KAT6A: variants seen among roughly 807,000 people sequenced by gnomAD.
KAT6A encodes the protein histone acetyltransferase KAT6A.
KAT6A carries 9 observed loss-of-function variants against 198.4 expected under a neutral mutation model. That is an observed-to-expected ratio of 0.05 (90% confidence interval 0.03 to 0.08). The LOEUF is 0.08. Ranked by LOEUF, KAT6A falls within the 10% of genes least tolerant of loss-of-function variation. KAT6A has a pLI of 1.00. For synonymous variants in KAT6A, 890 were observed against 883.0 expected, an observed-to-expected ratio of 1.01 and a Z score of -0.14; for missense variants, 2,077 against 2,509.9, an observed-to-expected ratio of 0.83 and a Z score of 3.69.
chr8:42,042,771 C>A (rs986711304), intron 2 of KAT6A, among the ~76,000 whole-genome samples: 4 of 152,206 alleles, frequency 2.6e-5, no homozygotes, highest in Non-Finnish European at 5.9e-5. Flanking sequence ...CACCAAATAA[C>A]AATACTTTTA....
In KAT6A at chr8:41,932,148, T is replaced by A; in HGVS notation, c.*57A>T. 7.1e-7 allele frequency: 1 copy of A among 1,401,788 alleles called. No homozygotes were observed. Among genetic ancestry groups the A allele is most frequent in the East Asian group, 2.5e-5 (1 of 40,070 alleles). 86.8% of individuals were successfully genotyped at this position (1,401,788 alleles called of 1,614,324 possible). ...GGTCCATTTTTCTCTGGTTTGTCAG[T>A]ATAAAAGGTTCCTTTATTTATATAT... On this transcript the variant is annotated 3_prime_UTR_variant, in exon 17 of 17. Coordinates refer to ENST00000265713, the MANE Select transcript of KAT6A (RefSeq NM_006766.5).
chr8:41,959,286 C>G (rs1317739733), intron 8 of KAT6A, among the ~76,000 whole-genome samples: 1 of 151,830 alleles, frequency 6.6e-6, no homozygotes, highest in African/African-American at 2.4e-5. Flanking sequence ...TAAATCAAAC[C>G]ACAATCAGAT....
At chr8:41,942,328 G>A in intron 14 of KAT6A, 1 of 231,766 alleles carries the variant, frequency 4.3e-6, no homozygotes, top group East Asian at 6.3e-5. Flanking sequence ...GGTTTTTTTT[G>A]TAGAGATGGG....
At chr8:41,994,259 G>C (rs1265498493) in intron 2 of KAT6A, among the ~76,000 whole-genome samples, 1 of 152,144 alleles carries the variant, frequency 6.6e-6, no homozygotes, top group Non-Finnish European at 1.5e-5. Flanking sequence ...GTAAATCAAA[G>C]CATGTCATTC....
At chr8:41,971,660 T>C (rs1200906379) in intron 8 of KAT6A, among the ~76,000 whole-genome samples, 1 of 151,700 alleles carries the variant, frequency 6.6e-6, no homozygotes, top group East Asian at 1.9e-4. Flanking sequence ...TGAAAGGTTT[T>C]CTAAGCAAGG....
At chr8:41,997,157 TTAAA>T (rs1375126873) in intron 2 of KAT6A, among the ~76,000 whole-genome samples, 4 of 152,172 alleles carry the variant, frequency 2.6e-5, no homozygotes, top group African/African-American at 9.7e-5. Context: ...AATTATACAC[TTAAA>T]TAGTTAAAAT....
In KAT6A at chr8:41,930,856, T is replaced by C. The variant is rs1380499462; in HGVS notation, c.*1349A>G. The C allele has an allele frequency of 4.8e-6, 1 of 209,874 alleles. No homozygotes were observed. Among genetic ancestry groups the C allele is most frequent in the Non-Finnish European group, 9.7e-6 (1 of 103,446 alleles). 13.0% of individuals were successfully genotyped at this position (209,874 alleles called of 1,614,324 possible). A position where few individuals can be genotyped will look rare whatever the true frequency, so the allele number is the denominator to read the frequency against. On this transcript the variant is annotated 3_prime_UTR_variant, in exon 17 of 17. Coordinates refer to ENST00000265713, the MANE Select transcript of KAT6A (RefSeq NM_006766.5). ...CAACACATGAACTTGCGTTATAACA[T>C]TCTGCTGTCCAGATCTGCCCTACTG...
intron 8 of KAT6A, among the ~76,000 whole-genome samples, chr8:41,967,433 C>T (rs896345336): frequency 6.9e-5 from 10 of 144,968 alleles, no homozygotes; most frequent in African/African-American, 2.5e-4. Context: ...TCTCCCAATG[C>T]TATCCCTCCT....
At chr8:42,041,040 C>T (rs1210660256) in intron 2 of KAT6A, among the ~76,000 whole-genome samples, 1 of 150,218 alleles carries the variant, frequency 6.7e-6, no homozygotes, top group Non-Finnish European at 1.5e-5. Context: ...ACTAAAAATA[C>T]AAAAATTAGC....
At chr8:41,990,689 G>A (rs918647905) in intron 2 of KAT6A, among the ~76,000 whole-genome samples, 2 of 151,982 alleles carry the variant, frequency 1.3e-5, no homozygotes, top group Non-Finnish European at 2.9e-5. Flanking sequence ...TGATATTAAG[G>A]GTTGATTAAA....
At chr8:42,003,320 T>C (rs1036772072) in intron 2 of KAT6A, among the ~76,000 whole-genome samples, 2 of 152,182 alleles carry the variant, frequency 1.3e-5, no homozygotes, top group Non-Finnish European at 2.9e-5. Flanking sequence ...TTGAGAGATC[T>C]GAGACCCAAC....
intron 2 of KAT6A, among the ~76,000 whole-genome samples, chr8:42,028,409 G>A (rs1410539020): frequency 6.6e-6 from 1 of 152,120 alleles, no homozygotes; most frequent in East Asian, 1.9e-4. Context: ...GTATCTGGGT[G>A]CTCCTATATT....
intron 5 of KAT6A, 44 bp from the exon 6 acceptor site, chr8:41,978,821 A>AGGT (rs1824202529): frequency 6.4e-7 from 1 of 1,572,442 alleles, no homozygotes; most frequent in Non-Finnish European, 8.7e-7. Context: ...ACAGACATAA[A>AGGT]TACACTGAAA....
At chr8:42,035,835 C>T (rs553420162) in intron 2 of KAT6A, among the ~76,000 whole-genome samples, 1 of 152,246 alleles carries the variant, frequency 6.6e-6, no homozygotes, top group East Asian at 1.9e-4. Flanking sequence ...AAAGAAGGAT[C>T]TGCAGTGGTT....
intron 2 of KAT6A, among the ~76,000 whole-genome samples, chr8:42,018,427 G>A (rs1051070070): frequency 2.0e-5 from 3 of 152,124 alleles, no homozygotes; most frequent in Non-Finnish European, 4.4e-5. Flanking sequence ...TAGGAGAATC[G>A]CTTGAACCCA....
chr8:41,945,437 A>G (rs1449388678), intron 12 of KAT6A, among the ~76,000 whole-genome samples: 2 of 151,552 alleles, frequency 1.3e-5, no homozygotes, highest in Non-Finnish European at 2.9e-5. Context: ...CACCCAGCTA[A>G]TTTTTTGTAT....
chr8:41,932,511 C>T lies in KAT6A; in HGVS notation c.5709G>A (p.Leu1903=). Residue 1903 remains leucine (L), a synonymous_variant, in exon 17 of 17, where the codon CTG becomes CTA. Coordinates refer to ENST00000265713, the MANE Select transcript of KAT6A (RefSeq NM_006766.5). ...VQRGMNMGVN[L]MPTPAYNVNS... is the part of the protein sequence containing the mutation. ...TGACATTATAGGCGGGAGTAGGCAT[C>T]AGATTAACCCCCATGTTCATGCCAC... is the stretch of plus-strand genomic sequence containing the variant. 6.2e-7 allele frequency: 1 copy of T among 1,614,236 alleles called. No individual in the cohort carries two copies. Among genetic ancestry groups the T allele is most frequent in the Non-Finnish European group, 8.5e-7 (1 of 1,180,042 alleles).
intron 13 of KAT6A, 80 bp downstream of exon 13, chr8:41,943,668 C>T: frequency 1.2e-6 from 1 of 862,846 alleles, no homozygotes; most frequent in South Asian, 1.5e-5. Context: ...AATGCCCTTT[C>T]ATCAATAATC....
chr8:41,938,132 T>C (rs973665689), intron 15 of KAT6A, among the ~76,000 whole-genome samples: 2 of 152,224 alleles, frequency 1.3e-5, no homozygotes, highest in African/African-American at 4.8e-5. Context: ...AGCACAACTT[T>C]GCACTGGACT....
Sources: gnomAD v4.1 joint callset for allele counts (sites outside exome capture counted in the v4.1 genomes callset) on GRCh38, gnomAD v4.1.1 for gene constraint, MANE v1.5 for transcripts, NCBI Gene and HGNC (gene_info 2026-07-23, HGNC 2026-07-21) for gene names.